PTK2: variants seen among roughly 807,000 people sequenced by gnomAD.
PTK2 encodes protein tyrosine kinase 2.
In PTK2, 45 loss-of-function variants were observed where a neutral mutation model predicts 150.1. The ratio of observed to expected loss-of-function variants is 0.30; its 90% CI spans 0.24 to 0.38. The LOEUF is 0.38. PTK2 is among the 10% of genes least tolerant of loss of function. PTK2 has a pLI of 1.00. For synonymous variants in PTK2, 432 were observed against 449.2 expected (o/e 0.96, Z 0.48); for missense variants, 919 against 1,307.3 (o/e 0.70, Z 4.58).
intron 5 of PTK2, among the ~76,000 whole-genome samples, chr8:140,852,412 T>C (rs1483855511): frequency 6.6e-6 from 1 of 152,160 alleles, no homozygotes; most frequent in East Asian, 1.9e-4. Context: ...GCACCTGTGA[T>C]AAAACTGCAC....
rs1181421194 is a variant in PTK2 at position 140,693,564 on chromosome 8, T to TTAAA, written c.2500-6871_2500-6870insTTTA. Among the ~76,000 whole-genome samples, 84 of 72,456 alleles carry TTAAA rather than the reference T, an allele frequency of 1.2e-3. 29 individuals are homozygous for TTAAA. Among genetic ancestry groups the TTAAA allele is most frequent in the African/African-American group, 4.4e-3 (73 of 16,652 alleles). The allele number at this position is 72,456 out of a possible 152,430, so 47.5% of individuals were successfully genotyped here. A position where few individuals can be genotyped will look rare whatever the true frequency, so the allele number is the denominator to read the frequency against. On this transcript the variant is annotated intron_variant, in intron 26 of 31. Transcript: ENST00000522684. ...CCACAGAGTGAGACTTTGTCTCAAT[T>TTAAA]AAAAAAAAAAAAAAAAAAAAAAAAA... is the stretch of plus-strand genomic sequence containing the variant.
At chr8:140,809,000 T>G (rs2100099843) in intron 10 of PTK2, among the ~76,000 whole-genome samples, 1 of 152,142 alleles carries the variant, frequency 6.6e-6, no homozygotes, top group South Asian at 2.1e-4. Context: ...TCCAAAGTGC[T>G]GGGATTACAG....
At chr8:140,757,814 C>T (rs2100066755) in intron 16 of PTK2, among the ~76,000 whole-genome samples, 2 of 152,248 alleles carry the variant, frequency 1.3e-5, no homozygotes, top group Non-Finnish European at 2.9e-5. Flanking sequence ...ACCACATATA[C>T]TATAGTGGTC....
chr8:140,706,250 G>A (rs2100033718), intron 23 of PTK2, 45 bp from the exon 27 acceptor site: 4 of 1,416,884 alleles, frequency 2.8e-6, no homozygotes, highest in Non-Finnish European at 4.0e-6. Flanking sequence ...TTTTGATTTT[G>A]ACAAACCTGT....
chr8:140,777,522 A>G (rs1432683481), intron 14 of PTK2, among the ~76,000 whole-genome samples: 2 of 152,238 alleles, frequency 1.3e-5, no homozygotes, highest in Non-Finnish European at 2.9e-5. Flanking sequence ...ACATTTCAAC[A>G]TGAGATTTGG....
chr8:140,697,316 C>CAA (rs200881203), intron 26 of PTK2, among the ~76,000 whole-genome samples: 3 of 139,142 alleles, frequency 2.2e-5, no homozygotes, highest in Non-Finnish European at 3.1e-5. Flanking sequence ...CAAAAACAAA[C>CAA]AAAAAAAAAA....
chr8:140,693,668 G>A (rs1284202523), intron 26 of PTK2, among the ~76,000 whole-genome samples: 1 of 150,632 alleles, frequency 6.6e-6, no homozygotes, highest in African/African-American at 2.4e-5. Context: ...GAGCATCCGG[G>A]CTGCTATCAT....
chr8:140,753,166 C>A (rs147471385), intron 16 of PTK2, among the ~76,000 whole-genome samples: 1 of 152,056 alleles, frequency 6.6e-6, no homozygotes. Context: ...CCACAGTACC[C>A]CAGGTGACAG....
In PTK2 at chr8:140,803,753, C is replaced by G. The variant is rs1331143639; in HGVS notation, c.868-103G>C. On this transcript the variant is annotated intron_variant, in intron 10 of 31. Transcript: ENST00000522684. ...TCCTCGTTGTCCTGAAGACATCCTC[C>G]CTAAGACTGGAGGTCTGGGGAAAAA... The G allele has an allele frequency of 2.8e-6, 3 of 1,061,200 alleles. No individual in the cohort carries two copies. In the African/African-American group the frequency reaches 4.8e-5, roughly 17 times the overall value. 65.7% of individuals were successfully genotyped at this position (1,061,200 alleles called of 1,614,324 possible).
At chr8:140,791,593 C>A (rs2100088460) in intron 13 of PTK2, among the ~76,000 whole-genome samples, 1 of 152,226 alleles carries the variant, frequency 6.6e-6, no homozygotes. Flanking sequence ...AAGTTAAAAG[C>A]CCATGTTTAG....
chr8:140,743,923 G>A lies in PTK2; in HGVS notation c.1635-593C>T, dbSNP rs543784572. On this transcript the variant is annotated intron_variant, in intron 19 of 31. Transcript: ENST00000522684. The stretch of plus-strand genomic sequence containing the variant: ...CTCCCGAGTAGCTGGGACTACAGGC[G>A]CCCGCCACCATGCCCAGCTAATTTT... 4.0e-3 allele frequency among the ~76,000 whole-genome samples: 602 copies of A among 151,522 alleles called. 2 individuals are homozygous for A. The highest frequency in any genetic ancestry group is 6.0e-3 in the Non-Finnish European group (407 of 67,814).
intron 14 of PTK2, among the ~76,000 whole-genome samples, chr8:140,777,994 T>C (rs899370079): frequency 6.6e-6 from 1 of 152,232 alleles, no homozygotes; most frequent in African/African-American, 2.4e-5. Flanking sequence ...AGAGGCATAT[T>C]TGACATTTGT....
At chr8:140,773,583 G>A (rs1474317394) in intron 14 of PTK2, among the ~76,000 whole-genome samples, 1 of 152,142 alleles carries the variant, frequency 6.6e-6, no homozygotes, top group African/African-American at 2.4e-5. Context: ...CTCTGCAGAG[G>A]TCAGTGTGAA....
intron 1 of PTK2, among the ~76,000 whole-genome samples, chr8:140,956,433 AAGTCTAGC>A (rs1463073241): frequency 1.3e-5 from 2 of 152,236 alleles, no homozygotes; most frequent in African/African-American, 4.8e-5. Context: ...AGTCGTATAA[AAGTCTAGC>A]ACATACGATT....
At chr8:140,905,986 C>T (rs1017512644) in intron 2 of PTK2, among the ~76,000 whole-genome samples, 5 of 151,644 alleles carry the variant, frequency 3.3e-5, no homozygotes, top group Non-Finnish European at 5.9e-5. Flanking sequence ...GAAGACACAA[C>T]ATGCCAGATC....
chr8:140,660,673 C>T, intron 31 of PTK2: 1 of 453,190 alleles, frequency 2.2e-6, no homozygotes. Context: ...TTGTAGTGAG[C>T]CAAGATCGTG....
rs567268746 is a variant in PTK2 at position 140,990,183 on chromosome 8, T to C, written c.-122+10942A>G. On this transcript the variant is annotated intron_variant, in intron 1 of 31. Transcript: ENST00000522684. ...CTCTTAAAAGTACATTTAATGGTCATCGCAGAATATAACTGACTATAAGTT... is the reference window on the plus strand; with the variant it reads ...CTCTTAAAAGTACATTTAATGGTCACCGCAGAATATAACTGACTATAAGTT... 3.5e-4 allele frequency among the ~76,000 whole-genome samples: 54 copies of C among 152,148 alleles called. 1 individual carries two copies. The highest frequency in any genetic ancestry group is 1.2e-3 in the African/African-American group (48 of 41,520).
chr8:140,713,383 C>T (rs1023274982), intron 23 of PTK2, among the ~76,000 whole-genome samples: 1 of 152,204 alleles, frequency 6.6e-6, no homozygotes, highest in Admixed American at 6.5e-5. Flanking sequence ...GCCTCAGCCT[C>T]CTGGGTAGCT....
intron 2 of PTK2, among the ~76,000 whole-genome samples, chr8:140,914,250 TAA>T (rs1212029088): frequency 6.6e-6 from 1 of 152,138 alleles, no homozygotes; most frequent in Non-Finnish European, 1.5e-5. Flanking sequence ...ATAACTGTTT[TAA>T]AGTTAGATTT....
Sources: gnomAD v4.1 joint callset for allele counts (sites outside exome capture counted in the v4.1 genomes callset) on GRCh38, gnomAD v4.1.1 for gene constraint, MANE v1.5 for transcripts, NCBI Gene and HGNC (gene_info 2026-07-23, HGNC 2026-07-21) for gene names.